Variants in BCHE observed in about 807,000 individuals in gnomAD.
The protein encoded by BCHE is cholinesterase.
In BCHE, 48 loss-of-function variants were observed where a neutral mutation model predicts 51.3. The observed-to-expected ratio is 0.94, with a 90% CI of 0.74 to 1.19. The LOEUF (loss-of-function observed/expected upper bound fraction) is 1.19. Among genes scored for constraint, BCHE ranks in the 50% most tolerant of loss-of-function variants. The pLI is 0.00. For missense variants in BCHE, 847 were observed against 708.2 expected (o/e 1.20, Z -2.23); for synonymous variants, 251 against 238.0 (o/e 1.05, Z -0.50).
chr3:165,830,750 T>C lies in BCHE; in HGVS notation c.284A>G (p.Gln95Arg). The change falls in exon 2 of 4, where the codon CAG becomes CGG. Residue 95 changes from glutamine (Q) to arginine (R), a missense_variant. By Grantham distance (43) the Gln-to-Arg change is conservative. Transcript: ENST00000264381. ...GCCTGGAAAACTTTGATCTATGTTC[T>C]GACAGCAAGAATTTGCATATTTTGT... ...NATKYANSCC[Q>R]NIDQSFPGFH... 6.2e-7 allele frequency: 1 copy of C among 1,613,908 alleles called. No individual in the cohort carries two copies. Among genetic ancestry groups the C allele is most frequent in the Non-Finnish European group, 8.5e-7 (1 of 1,179,918 alleles).
At chr3:165,815,533 G>GAGCTAGCAAATGTTAGCAAT (rs1292095255) in intron 2 of BCHE, among the ~76,000 whole-genome samples, 4 of 152,012 alleles carry the variant, frequency 2.6e-5, no homozygotes, top group African/African-American at 4.8e-5. Flanking sequence ...CCTGAGCAGG[G>GAGCTAGCAAATGTTAGCAAT]AGCTAGCAAA....
chr3:165,789,741 C>A lies in BCHE; in HGVS notation c.1518-3430G>T, dbSNP rs1462469949. ...AAAATGTTAAAATATTTATAGATTC[C>A]ATTCCATGTCACTTAAATGATATTC... On this transcript the variant is annotated intron_variant, in intron 2 of 3. Transcript: ENST00000264381. 2.6e-5 allele frequency among the ~76,000 whole-genome samples: 4 copies of A among 151,672 alleles called. No individual in the cohort carries two copies. In the East Asian group the frequency reaches 7.7e-4, roughly 29 times the overall value.
At chr3:165,785,227 G>A (rs1211830151) in intron 3 of BCHE, among the ~76,000 whole-genome samples, 1 of 151,774 alleles carries the variant, frequency 6.6e-6, no homozygotes, top group African/African-American at 2.4e-5. Flanking sequence ...CAAATATACA[G>A]CCTGAAAATT....
intron 3 of BCHE, 96 bp downstream of exon 3, chr3:165,786,049 T>C (rs1311065151): frequency 3.9e-6 from 5 of 1,294,194 alleles, no homozygotes; most frequent in Non-Finnish European, 5.5e-6. Flanking sequence ...GAGATACATA[T>C]AGTAACTCCA....
intron 2 of BCHE, among the ~76,000 whole-genome samples, chr3:165,806,555 C>T (rs1333636645): frequency 6.6e-6 from 1 of 152,104 alleles, no homozygotes; most frequent in Non-Finnish European, 1.5e-5. Context: ...CAGTGCCTGG[C>T]TCACAGTTGG....
intron 2 of BCHE, among the ~76,000 whole-genome samples, chr3:165,826,656 G>A (rs1032799312): frequency 6.6e-6 from 1 of 152,020 alleles, no homozygotes; most frequent in Non-Finnish European, 1.5e-5. Flanking sequence ...ATTATAAATA[G>A]TAGACATAGA....
chr3:165,787,313 T>C (rs1712991549), intron 2 of BCHE, among the ~76,000 whole-genome samples: 1 of 151,850 alleles, frequency 6.6e-6, no homozygotes, highest in African/African-American at 2.4e-5. Flanking sequence ...CATCTGTAGA[T>C]TTCCTTATAA....
intron 2 of BCHE, among the ~76,000 whole-genome samples, chr3:165,786,674 A>T (rs927039773): frequency 1.6e-4 from 25 of 151,712 alleles, no homozygotes; most frequent in Non-Finnish European, 3.4e-4. Context: ...AGGCCCAAAA[A>T]TTTCACAATA....
At chr3:165,801,270 G>T (rs192928055) in intron 2 of BCHE, among the ~76,000 whole-genome samples, 24 of 152,238 alleles carry the variant, frequency 1.6e-4, no homozygotes, top group East Asian at 3.9e-4. Context: ...TGTCCAAGGC[G>T]GATGTGCCAT....
chr3:165,828,147 T>C, intron 2 of BCHE: 1 of 439,630 alleles, frequency 2.3e-6, no homozygotes, highest in Non-Finnish European at 4.5e-6. Flanking sequence ...CAATTGCAAC[T>C]CTAGGAATTA....
intron 2 of BCHE, among the ~76,000 whole-genome samples, chr3:165,821,440 A>G (rs1040684064): frequency 2.6e-5 from 4 of 151,848 alleles, no homozygotes; most frequent in Non-Finnish European, 5.9e-5. Context: ...TCCAATTAAA[A>G]AAAAAGAGAG....
intron 2 of BCHE, among the ~76,000 whole-genome samples, chr3:165,822,957 T>A (rs1308701985): frequency 6.6e-6 from 1 of 152,078 alleles, no homozygotes; most frequent in East Asian, 1.9e-4. Flanking sequence ...GTAGACGTAT[T>A]ATGTTGTACT....
At chr3:165,836,089 A>G (rs192213804) in intron 1 of BCHE, among the ~76,000 whole-genome samples, 226 of 152,086 alleles carry the variant, frequency 1.5e-3, no homozygotes, top group African/African-American at 5.1e-3. Context: ...AATATGGAAT[A>G]CATCCCAAAC....
intron 2 of BCHE, among the ~76,000 whole-genome samples, chr3:165,808,355 G>A (rs1473596183): frequency 6.6e-6 from 1 of 151,920 alleles, no homozygotes. Flanking sequence ...TATATATGCT[G>A]ATGGAAAATA....
chr3:165,785,925 T>A (rs1452014192), intron 3 of BCHE, among the ~76,000 whole-genome samples: 1 of 151,810 alleles, frequency 6.6e-6, no homozygotes, highest in Admixed American at 6.6e-5. Flanking sequence ...TTTAGTTTTC[T>A]TTATTTAACT....
At chr3:165,812,603 T>C (rs1714143580) in intron 2 of BCHE, among the ~76,000 whole-genome samples, 1 of 151,910 alleles carries the variant, frequency 6.6e-6, no homozygotes, top group South Asian at 2.1e-4. Flanking sequence ...ACTCAACTAC[T>C]GTAGAACAAT....
In BCHE at chr3:165,773,041, A is replaced by G. The variant is rs955663824; in HGVS notation, c.*341T>C. ...AAAAAGATACCTTTTTACGAGTGGT[A>G]ATGAAAATACACGTGACTAAAAGCA... On this transcript the variant is annotated 3_prime_UTR_variant, in exon 4 of 4. Transcript: ENST00000264381. 1.1e-5 allele frequency: 2 copies of G among 189,370 alleles called. No homozygotes were observed. The highest frequency in any genetic ancestry group is 2.9e-4 in the East Asian group (2 of 6,912). The allele number at this position is 189,370 out of a possible 1,614,324, so 11.7% of individuals were successfully genotyped here.
intron 2 of BCHE, among the ~76,000 whole-genome samples, chr3:165,800,689 G>C (rs1713602598): frequency 6.6e-6 from 1 of 152,006 alleles, no homozygotes; most frequent in African/African-American, 2.4e-5. Context: ...ATGAGGGCTA[G>C]TTTTCTGTTG....
intron 2 of BCHE, among the ~76,000 whole-genome samples, chr3:165,787,603 G>C (rs770068327): frequency 6.6e-6 from 1 of 151,878 alleles, no homozygotes; most frequent in Non-Finnish European, 1.5e-5. Context: ...AGTCGGGAAA[G>C]CTAGAAAAAG....
Sources: gnomAD v4.1 joint callset for allele counts (sites outside exome capture counted in the v4.1 genomes callset) on GRCh38, gnomAD v4.1.1 for gene constraint, MANE v1.5 for transcripts, NCBI Gene and HGNC (gene_info 2026-07-23, HGNC 2026-07-21) for gene names.